The following DEPDC1 variants were observed in gnomAD, a reference collection of about 807,000 sequenced individuals.
DEPDC1 encodes DEP domain containing 1.
A neutral mutation model predicts 86.8 loss-of-function variants in DEPDC1; 66 were observed. The observed-to-expected ratio is 0.76, with a 90% CI of 0.62 to 0.93. The LOEUF (loss-of-function observed/expected upper bound fraction) is 0.93, where lower values mean the gene tolerates loss of function less well. Ranked by LOEUF, DEPDC1 falls within the 40% of genes least tolerant of loss-of-function variation. The probability of loss-of-function intolerance (pLI) is 0.00; values close to 1 mark genes in which losing one functional copy is unlikely to be tolerated. For missense variants in DEPDC1, 792 were observed against 935.7 expected (o/e 0.85, Z 2.00); for synonymous variants, 255 against 314.9 (o/e 0.81, Z 2.02).
chr1:68,485,469 A>T (rs1646187391), intron 6 of DEPDC1, among the ~76,000 whole-genome samples: 1 of 152,004 alleles, frequency 6.6e-6, no homozygotes, highest in Non-Finnish European at 1.5e-5. Flanking sequence ...ACTCTGGGGG[A>T]TCGAATAACA....
Position 68,496,971 on chromosome 1 carries a change from G to A in DEPDC1, c.29C>T (p.Pro10Leu), listed in dbSNP as rs1474621677. Residue 10 changes from proline to leucine, a missense_variant, in exon 1 of 12, where the codon CCT becomes CTT. Pro to Leu is a moderately conservative substitution (Grantham distance 98, BLOSUM62 -3). Transcript: ENST00000456315. The surrounding 1 kb of genome is among the most constrained non-coding windows in gnomAD (Gnocchi z 4.0). ...TCTTACCAGCTTGGTGGCCCGATAA[G>A]GCCCGGGAGGCACACCCTGACTCTC... is the stretch of plus-strand genomic sequence containing the variant. MESQGVPPG[P>L]YRATKLWNEV... 3 of 1,613,144 alleles carry A rather than the reference G, an allele frequency of 1.9e-6. No homozygotes were observed. Among genetic ancestry groups the A allele is most frequent in the African/African-American group, 2.7e-5 (2 of 74,840 alleles).
chr1:68,492,212 G>C (rs1323405836), intron 2 of DEPDC1, among the ~76,000 whole-genome samples: 1 of 152,024 alleles, frequency 6.6e-6, no homozygotes, highest in African/African-American at 2.4e-5. Flanking sequence ...TTGAAGTTTT[G>C]AATGAAAATG....
intron 2 of DEPDC1, among the ~76,000 whole-genome samples, chr1:68,490,046 A>T (rs868544673): frequency 6.6e-6 from 1 of 152,174 alleles, no homozygotes; most frequent in Non-Finnish European, 1.5e-5. Context: ...CTTCAAAGAT[A>T]TAATAAAACA....
In DEPDC1 at chr1:68,494,441, G is replaced by A. The variant is rs375710876; in HGVS notation, c.303C>T (p.Asn101=). 3.7e-6 allele frequency: 6 copies of A among 1,613,096 alleles called. No individual in the cohort carries two copies. In the African/African-American group the frequency reaches 6.7e-5, roughly 18 times the overall value. The change falls in exon 2 of 12, where the codon AAC becomes AAT. Residue 101 remains asparagine, a synonymous_variant. Coordinates refer to ENST00000456315, the MANE Select transcript of DEPDC1 (RefSeq NM_001114120.3). ...TATCTGTTCATTACCTGAAGAGCTG[G>A]TTGTTATCATCAACATTTTCTGATC... The part of the protein sequence containing the change: ...RWGSENVDDN[N]QLFRFPATSP...
rs1217507724 is a variant in DEPDC1, at chr1:68,482,228, G to A, written c.1580C>T (p.Thr527Ile). 7.4e-6 allele frequency: 12 copies of A among 1,612,846 alleles called. No individual in the cohort carries two copies. Among genetic ancestry groups the A allele is most frequent in the Non-Finnish European group, 1.0e-5 (12 of 1,179,264 alleles). The change falls in exon 8 of 12, where the codon ACA (threonine) becomes ATA (isoleucine). Residue 527 changes from threonine to isoleucine, a missense_variant. Coordinates refer to ENST00000456315, the MANE Select transcript of DEPDC1 (RefSeq NM_001114120.3). ...SSTRRNSYIN[T>I]PVAEIIMKPN... ...TTTCATGATAATTTCAGCCACTGGT[G>A]TATTGATATAACTATTCCTTCTTGT...
rs771877979 is a variant in DEPDC1, at chr1:68,484,051, C to A, written c.809G>T (p.Gly270Val). 1 of 1,585,636 alleles carries A rather than the reference C, an allele frequency of 6.3e-7. No homozygotes were observed. Among genetic ancestry groups the A allele is most frequent in the Non-Finnish European group, 8.6e-7 (1 of 1,169,172 alleles). ...SNDMNNPTYV[G>V]FERDVFRTIA... Reference sequence around the variant, plus strand: ...TGTTCTGAATACATCTCGTTCAAATCCAACATAAGTTGGATTATTCATATC... The same window carrying A: ...TGTTCTGAATACATCTCGTTCAAATACAACATAAGTTGGATTATTCATATC... Residue 270 changes from glycine (G) to valine (V), a missense_variant, in exon 7 of 12, where the codon GGA becomes GTA. Gly to Val is a moderately radical substitution (Grantham distance 109, BLOSUM62 -3). Coordinates refer to ENST00000456315, the MANE Select transcript of DEPDC1 (RefSeq NM_001114120.3).
rs1646166237 is a variant in DEPDC1, at chr1:68,482,795, G to A, written c.1013C>T (p.Ser338Phe). The A allele has an allele frequency of 6.2e-7, 1 of 1,612,276 alleles. No individual in the cohort carries two copies. Among genetic ancestry groups the A allele is most frequent in the Admixed American group, 1.7e-5 (1 of 59,756 alleles). The change falls in exon 8 of 12, where the codon TCC (serine) becomes TTC (phenylalanine). Residue 338 changes from serine (S) to phenylalanine (F), a missense_variant. By Grantham distance (155) the Ser-to-Phe change is radical (BLOSUM62 -2). Transcript: ENST00000456315. ...SKFLHLNNLNSFKSTECLLLS... is the reference protein window; with the variant it reads ...SKFLHLNNLNFFKSTECLLLS... ...AAGAAGGCACTCAGTTGATTTGAAG[G>A]AATTCAAATTGTTTAAGTGAAGGAA...
chr1:68,476,839 T>C lies in DEPDC1; in HGVS notation c.*93A>G. ...ATGTGTTTATTTAGAAATACCTTAT[T>C]AATGACAGACTTCCTTTTGAGTAGC... On this transcript the variant is annotated 3_prime_UTR_variant, in exon 12 of 12. Coordinates refer to ENST00000456315, the MANE Select transcript of DEPDC1 (RefSeq NM_001114120.3). 9 of 1,127,124 alleles carry C rather than the reference T, an allele frequency of 8.0e-6. No individual in the cohort carries two copies. In the South Asian group the frequency reaches 1.6e-4, roughly 21 times the overall value. The allele number at this position is 1,127,124 out of a possible 1,614,324, so 69.8% of individuals were successfully genotyped here. A position where few individuals can be genotyped will look rare whatever the true frequency, so the allele number is the denominator to read the frequency against.
intron 2 of DEPDC1, among the ~76,000 whole-genome samples, chr1:68,491,016 C>G (rs1646225724): frequency 6.6e-6 from 1 of 152,052 alleles, no homozygotes; most frequent in South Asian, 2.1e-4. Flanking sequence ...CTTCTTACAC[C>G]ATATACAAAA....
intron 6 of DEPDC1, among the ~76,000 whole-genome samples, chr1:68,484,742 CA>C (rs1489780491): frequency 6.6e-6 from 1 of 151,916 alleles, no homozygotes; most frequent in East Asian, 1.9e-4. Flanking sequence ...GCTACAACAA[CA>C]TTTAAAGTGT....
chr1:68,477,079 G>T lies in DEPDC1; in HGVS notation c.2299-10C>A, dbSNP rs767901490. On this transcript the variant is annotated splice_polypyrimidine_tract_variant and intron_variant, in intron 11 of 11. Coordinates refer to ENST00000456315, the MANE Select transcript of DEPDC1 (RefSeq NM_001114120.3). ...GATATTCCTTCTGAAACTTAAAAAT[G>T]AGGTGAGAAATTAGAAGGTATTTAA... The T allele has an allele frequency of 3.8e-6, 6 of 1,586,982 alleles. No individual in the cohort carries two copies. The East Asian group carries it at 1.4e-4, about 36-fold the overall frequency.
intron 2 of DEPDC1, among the ~76,000 whole-genome samples, 190 bp from the exon 3 acceptor site, chr1:68,489,798 G>A (rs955447901): frequency 6.6e-6 from 1 of 151,734 alleles, no homozygotes; most frequent in Non-Finnish European, 1.5e-5. Context: ...AGTATATTGT[G>A]TATATTTTAA....
At chr1:68,489,105 C>CTATAAAA (rs1203014896) in intron 3 of DEPDC1, 71 bp from the exon 4 acceptor site, 18 of 905,340 alleles carry the variant, frequency 2.0e-5, no homozygotes, top group Non-Finnish European at 3.2e-5. Flanking sequence ...AACAATAATT[C>CTATAAAA]TATTACTATC....
At chr1:68,489,389 G>T (rs988239378) in intron 3 of DEPDC1, 63 bp downstream of exon 3, 4 of 1,153,786 alleles carry the variant, frequency 3.5e-6, no homozygotes, top group South Asian at 2.2e-5. Flanking sequence ...TACTTTTAAT[G>T]ATTCTATCAT....
chr1:68,483,868 C>A, intron 7 of DEPDC1, 82 bp downstream of exon 7: 1 of 917,248 alleles, frequency 1.1e-6, no homozygotes, highest in Non-Finnish European at 1.6e-6. Context: ...TTTATATTTA[C>A]CTATGGTTTT....
chr1:68,484,004 G>A lies in DEPDC1; in HGVS notation c.856C>T (p.Leu286Phe). ...FRTIADYFLD[L>F]PEPLLTFEYY... ...TCAAAAGTAAGTAGAGGTTCAGGGA[G>A]ATCTAGAAAATAATCTGCGATTGTT... Residue 286 changes from leucine (L) to phenylalanine (F), a missense_variant, in exon 7 of 12, where the codon CTC (leucine) becomes TTC (phenylalanine). Physicochemically the swap from Leu to Phe is conservative, Grantham distance 22. Transcript: ENST00000456315. 1 of 1,572,140 alleles carries A rather than the reference G, an allele frequency of 6.4e-7. No homozygotes were observed.
chr1:68,481,432 C>A lies in DEPDC1; in HGVS notation c.1935+8G>T. The A allele has an allele frequency of 6.2e-7, 1 of 1,605,714 alleles. No individual in the cohort carries two copies. Among genetic ancestry groups the A allele is most frequent in the Non-Finnish European group, 8.5e-7 (1 of 1,175,702 alleles). On this transcript the variant is annotated splice_region_variant and intron_variant, in intron 9 of 11. Transcript: ENST00000456315. ...CAGACTTATTCTTTCTATAAGAAAT[C>A]AACTTACCAGTGACCTCGTACCCAT...
chr1:68,479,635 C>T (rs1440632516), intron 9 of DEPDC1, among the ~76,000 whole-genome samples: 1 of 151,628 alleles, frequency 6.6e-6, no homozygotes, highest in East Asian at 1.9e-4. Context: ...AAACCCTATA[C>T]CTATGAAGAA....
chr1:68,491,920 A>ATT (rs1227155636), intron 2 of DEPDC1, among the ~76,000 whole-genome samples: 70 of 138,932 alleles, frequency 5.0e-4, no homozygotes, highest in Admixed American at 1.5e-3. Context: ...TGGCTAATTA[A>ATT]TTTTTTTTTT....
Sources: allele counts gnomAD v4.1 joint callset (sites outside exome capture counted in the v4.1 genomes callset), GRCh38; gene constraint gnomAD v4.1.1; non-coding constraint Gnocchi (gnomAD v3.1); transcripts MANE v1.5; gene names NCBI Gene and HGNC (gene_info 2026-07-23, HGNC 2026-07-21).